MACROD2: variants seen among roughly 807,000 people sequenced by gnomAD.
The protein encoded by MACROD2 is mono-ADP ribosylhydrolase 2.
Under a neutral mutation model 70.4 loss-of-function variants are expected in MACROD2, and 36 were observed. The ratio of observed to expected loss-of-function variants is 0.51; its 90% CI spans 0.39 to 0.68. MACROD2 has a LOEUF of 0.68. MACROD2 is among the 30% of genes least tolerant of loss of function. MACROD2 has a pLI of 0.00. For missense variants in MACROD2, 496 were observed against 538.4 expected, an observed-to-expected ratio of 0.92 and a Z score of 0.78; for synonymous variants, 172 against 178.8, an observed-to-expected ratio of 0.96 and a Z score of 0.30.
chr20:15,632,873 A>G (rs1184304199), intron 8 of MACROD2, among the ~76,000 whole-genome samples: 1 of 121,992 alleles, frequency 8.2e-6, no homozygotes, highest in East Asian at 2.4e-4. Context: ...TTCCTTTTCT[A>G]CTCTCTTCCT....
chr20:15,533,541 GTCGCTCTCTCTC>G (rs1225942681), intron 8 of MACROD2, among the ~76,000 whole-genome samples: 1 of 118,416 alleles, frequency 8.4e-6, no homozygotes, highest in African/African-American at 3.3e-5. Context: ...CTCTGTCTCT[GTCGCTCTCTCTC>G]TCTCTCTCTC....
intron 3 of MACROD2, among the ~76,000 whole-genome samples, chr20:14,465,598 AT>A (rs1285555796): frequency 1.3e-5 from 2 of 151,780 alleles, no homozygotes; most frequent in African/African-American, 4.9e-5. Flanking sequence ...GGTTATTTTG[AT>A]TGTTAGTTGA....
intron 4 of MACROD2, among the ~76,000 whole-genome samples, chr20:14,644,510 T>G (rs1231997744): frequency 6.6e-6 from 1 of 152,200 alleles, no homozygotes; most frequent in African/African-American, 2.4e-5. Context: ...ATATACTAGT[T>G]TTTTTGTCCC....
intron 8 of MACROD2, among the ~76,000 whole-genome samples, chr20:15,540,070 G>A (rs571966833): frequency 2.4e-4 from 36 of 152,314 alleles, no homozygotes; most frequent in Middle Eastern, 6.8e-3. Flanking sequence ...ACAGCTGAAG[G>A]GGAATTCCAC....
chr20:15,930,988 A>G (rs185070167), intron 10 of MACROD2, among the ~76,000 whole-genome samples: 1 of 152,352 alleles, frequency 6.6e-6, no homozygotes, highest in Non-Finnish European at 1.5e-5. Context: ...TAACCAGAGT[A>G]CTTTCAAAGG....
At chr20:15,736,272 A>G (rs1300173152) in intron 8 of MACROD2, among the ~76,000 whole-genome samples, 1 of 152,242 alleles carries the variant, frequency 6.6e-6, no homozygotes, top group Non-Finnish European at 1.5e-5. Context: ...AAAGGACTCT[A>G]GAGCAAGTGC....
chr20:15,457,991 A>G (rs1429929839), intron 7 of MACROD2, among the ~76,000 whole-genome samples: 1 of 151,514 alleles, frequency 6.6e-6, no homozygotes, highest in Non-Finnish European at 1.5e-5. Flanking sequence ...CTAAGTACCT[A>G]GGGCCGCATC....
chr20:14,193,133 A>G (rs1242078366), intron 3 of MACROD2, among the ~76,000 whole-genome samples: 2 of 152,172 alleles, frequency 1.3e-5, no homozygotes, highest in Non-Finnish European at 2.9e-5. Flanking sequence ...TGGCCATCAC[A>G]CAGAAACTCT....
intron 5 of MACROD2, among the ~76,000 whole-genome samples, chr20:15,081,515 C>A (rs979636883): frequency 1.3e-5 from 2 of 152,106 alleles, no homozygotes; most frequent in African/African-American, 4.8e-5. Flanking sequence ...CTTGAACCAA[C>A]CCCTGATGAA....
chr20:16,026,114 C>G (rs559345353), intron 15 of MACROD2, among the ~76,000 whole-genome samples: 1 of 152,206 alleles, frequency 6.6e-6, no homozygotes, highest in South Asian at 2.1e-4. Context: ...GATTGCGCCA[C>G]TGCACTCCAG....
chr20:14,915,809 C>T (rs2074084778), intron 5 of MACROD2, among the ~76,000 whole-genome samples: 1 of 152,128 alleles, frequency 6.6e-6, no homozygotes. Context: ...TTGGGAGCTT[C>T]CAAGCTGTGA....
In MACROD2 at chr20:15,705,035, C is replaced by T. The variant is rs73244515; in HGVS notation, c.646-157710C>T. Reference sequence around the variant, plus strand: ...TTGATTACTCTGCTGCTAATTCTCACGGTCATTTATTAATTTCTATTATTA... The same window carrying T: ...TTGATTACTCTGCTGCTAATTCTCATGGTCATTTATTAATTTCTATTATTA... On this transcript the variant is annotated intron_variant, in intron 8 of 17. Transcript: ENST00000684519. Among the ~76,000 whole-genome samples the T allele has an allele frequency of 4.3e-3, 651 of 152,218 alleles. 5 individuals carry two copies. The highest frequency in any genetic ancestry group is 0.015 in the African/African-American group (607 of 41,534).
chr20:14,728,421 T>C (rs1315594947), intron 5 of MACROD2, among the ~76,000 whole-genome samples: 1 of 151,136 alleles, frequency 6.6e-6, no homozygotes, highest in African/African-American at 2.5e-5. Flanking sequence ...TTCTAAGATA[T>C]GCAATTTTAT....
In MACROD2 at chr20:15,701,265, C is replaced by T. The variant is rs574431427; in HGVS notation, c.646-161480C>T. 2.3e-4 allele frequency among the ~76,000 whole-genome samples: 35 copies of T among 152,232 alleles called. No individual in the cohort carries two copies. The South Asian group carries it at 5.4e-3, about 23-fold the overall frequency. On this transcript the variant is annotated intron_variant, in intron 8 of 17. Coordinates refer to ENST00000684519, the MANE Select transcript of MACROD2 (RefSeq NM_001351661.2). Reference sequence around the variant, plus strand: ...GCAATATTATCCGTGATTTTCCACACAAAAATCTGCATTCTGGGTTTTGTA... The same window carrying T: ...GCAATATTATCCGTGATTTTCCACATAAAAATCTGCATTCTGGGTTTTGTA...
chr20:14,231,569 TTGC>T (rs2081812876), intron 3 of MACROD2, among the ~76,000 whole-genome samples: 1 of 152,192 alleles, frequency 6.6e-6, no homozygotes, highest in Non-Finnish European at 1.5e-5. Flanking sequence ...TTCCAAGTCT[TTGC>T]TATTGTGAGT....
chr20:14,447,227 C>T (rs1237709567), intron 3 of MACROD2, among the ~76,000 whole-genome samples: 2 of 151,938 alleles, frequency 1.3e-5, no homozygotes, highest in African/African-American at 4.8e-5. Flanking sequence ...ACCATGTTGG[C>T]CAAGCTAGTC....
At chr20:14,605,336 G>A (rs774484027) in intron 4 of MACROD2, among the ~76,000 whole-genome samples, 10 of 152,046 alleles carry the variant, frequency 6.6e-5, no homozygotes, top group Non-Finnish European at 1.0e-4. Context: ...CCTTTGGCTC[G>A]TAGATGGTGT....
chr20:15,021,256 A>ACACCTGTGTGTATGTATACG (rs1555774728), intron 5 of MACROD2, among the ~76,000 whole-genome samples: 1 of 83,790 alleles, frequency 1.2e-5, no homozygotes, highest in African/African-American at 4.3e-5. Context: ...GTATGTATAC[A>ACACCTGTGTGTATGTATACG]CACACCTGTG....
intron 15 of MACROD2, among the ~76,000 whole-genome samples, chr20:16,023,753 T>C (rs1031356561): frequency 1.6e-4 from 25 of 152,122 alleles, no homozygotes; most frequent in African/African-American, 6.0e-4. Flanking sequence ...GTAGGGAAGC[T>C]GGGCTGTTAC....
Sources: gnomAD v4.1 joint callset for allele counts (sites outside exome capture counted in the v4.1 genomes callset) on GRCh38, gnomAD v4.1.1 for gene constraint, MANE v1.5 for transcripts, NCBI Gene and HGNC (gene_info 2026-07-23, HGNC 2026-07-21) for gene names.